MARK3: variants seen among roughly 807,000 people sequenced by gnomAD.
MARK3 encodes the protein microtubule affinity regulating kinase 3.
MARK3 carries 46 observed loss-of-function variants against 90.1 expected under a neutral mutation model. The ratio of observed to expected loss-of-function variants is 0.51; its 90% confidence interval spans 0.40 to 0.65. MARK3 has a LOEUF of 0.65. Among genes scored for constraint, MARK3 ranks in the 30% least tolerant of loss-of-function variants. MARK3 has a pLI of 0.00. For missense variants in MARK3, 818 were observed against 947.2 expected, an observed-to-expected ratio of 0.86 and a Z score of 1.79; for synonymous variants, 321 against 332.6, an observed-to-expected ratio of 0.97 and a Z score of 0.38.
chr14:103,461,561 C>G (rs1377599135), intron 6 of MARK3, among the ~76,000 whole-genome samples: 5 of 152,180 alleles, frequency 3.3e-5, no homozygotes, highest in Admixed American at 3.3e-4. Context: ...GAAGAGGAAA[C>G]TGACCCTCAG....
At position 103,481,757 on chromosome 14, in the gene MARK3, CTTTTTTTTTTTT is replaced by C. The variant is rs71126030; in HGVS notation, c.1586+1283_1586+1294del. The stretch of plus-strand genomic sequence containing the variant: ...CAGATAATGATTGATATAGGTATTT[CTTTTTTTTTTTT>C]TTTTTTTTTTTTTTTGAGACAGAGT... On this transcript the variant is annotated intron_variant, in intron 14 of 17. Transcript: ENST00000429436. Among the ~76,000 whole-genome samples, 7 of 49,778 alleles carry C rather than the reference CTTTTTTTTTTTT, an allele frequency of 1.4e-4. 1 individual carries two copies. Among genetic ancestry groups the C allele is most frequent in the Non-Finnish European group, 1.7e-4 (5 of 30,014 alleles). The allele number at this position is 49,778 out of a possible 152,430, so 32.7% of individuals were successfully genotyped here.
At chr14:103,431,524 A>G (rs991938322) in intron 3 of MARK3, among the ~76,000 whole-genome samples, 4 of 152,102 alleles carry the variant, frequency 2.6e-5, no homozygotes, top group Non-Finnish European at 5.9e-5. Flanking sequence ...CCAGCTTCTC[A>G]GGAGGCTGAG....
chr14:103,388,235 A>G (rs2089965994), intron 1 of MARK3, among the ~76,000 whole-genome samples: 1 of 152,166 alleles, frequency 6.6e-6, no homozygotes. Context: ...CCAGCCATGT[A>G]GTGTATTTAA....
chr14:103,490,870 G>T, intron 14 of MARK3: 1 of 848,336 alleles, frequency 1.2e-6, no homozygotes, highest in Non-Finnish European at 1.5e-6. Flanking sequence ...AGGAAGGTGT[G>T]TGCATTACAC....
chr14:103,493,027 A>G (rs2075092561), intron 15 of MARK3, among the ~76,000 whole-genome samples: 1 of 152,176 alleles, frequency 6.6e-6, no homozygotes, highest in South Asian at 2.1e-4. Flanking sequence ...ACAGGACAGC[A>G]GTAGGAGTCT....
intron 3 of MARK3, among the ~76,000 whole-genome samples, chr14:103,433,620 G>C (rs911740846): frequency 1.3e-5 from 2 of 151,704 alleles, no homozygotes; most frequent in Non-Finnish European, 2.9e-5. Context: ...CGGAGGCGGA[G>C]GTTGCAGTGA....
intron 9 of MARK3, 70 bp from the exon 10 acceptor site, chr14:103,466,273 A>T: frequency 3.0e-6 from 4 of 1,329,998 alleles, no homozygotes; most frequent in Non-Finnish European, 4.2e-6. Flanking sequence ...TTGAAAATAA[A>T]TTTTTGTAAA....
intron 13 of MARK3, among the ~76,000 whole-genome samples, chr14:103,479,888 C>T (rs994980795): frequency 1.3e-5 from 2 of 152,134 alleles, no homozygotes; most frequent in African/African-American, 4.8e-5. Context: ...GATCCGCCCA[C>T]CTCTGCCTCC....
At chr14:103,492,699 A>G (rs936965092) in intron 15 of MARK3, among the ~76,000 whole-genome samples, 2 of 152,136 alleles carry the variant, frequency 1.3e-5, no homozygotes, top group African/African-American at 2.4e-5. Context: ...CCATGTGTCT[A>G]GTAGGCTAGC....
At chr14:103,411,871 T>C (rs2091654263) in intron 2 of MARK3, among the ~76,000 whole-genome samples, 1 of 151,968 alleles carries the variant, frequency 6.6e-6, no homozygotes, top group Admixed American at 6.6e-5. Context: ...ACTGCCCACC[T>C]CAGCCTCCTA....
intron 6 of MARK3, among the ~76,000 whole-genome samples, chr14:103,458,238 A>G (rs936786972): frequency 6.6e-6 from 1 of 152,128 alleles, no homozygotes; most frequent in East Asian, 1.9e-4. Flanking sequence ...TGGGCGGATC[A>G]CCTGAGGGTC....
At chr14:103,413,486 C>T (rs1049298413) in intron 2 of MARK3, among the ~76,000 whole-genome samples, 21 of 149,318 alleles carry the variant, frequency 1.4e-4, no homozygotes, top group Admixed American at 5.3e-4. Context: ...GAGTGCAGCG[C>T]GATCTCGGCT....
intron 12 of MARK3, among the ~76,000 whole-genome samples, chr14:103,472,515 C>CT (rs755939682): frequency 8.6e-5 from 13 of 151,114 alleles, no homozygotes; most frequent in Non-Finnish European, 1.8e-4. Flanking sequence ...AGCTTGGTGT[C>CT]AAGTGCCTGT....
At chr14:103,450,176 G>C (rs1475325014) in intron 4 of MARK3, among the ~76,000 whole-genome samples, 1 of 151,880 alleles carries the variant, frequency 6.6e-6, no homozygotes, top group African/African-American at 2.4e-5. Flanking sequence ...GAATCAATAA[G>C]TATGGTTGAA....
At chr14:103,502,817 A>C in intron 17 of MARK3, 65 bp from the exon 18 acceptor site, 5 of 1,294,112 alleles carry the variant, frequency 3.9e-6, no homozygotes, top group Non-Finnish European at 5.4e-6. Context: ...ATGAGGAACT[A>C]GCTGAAGTGT....
At chr14:103,485,063 C>CAAAAA (rs34312214) in intron 14 of MARK3, among the ~76,000 whole-genome samples, 5,936 of 97,678 alleles carry the variant, frequency 0.061, 731 homozygotes, top group African/African-American at 0.22. Context: ...ACTAAAAATA[C>CAAAAA]AAAAAAAAAA....
chr14:103,388,427 A>C (rs1034480991), intron 1 of MARK3, among the ~76,000 whole-genome samples: 1 of 152,206 alleles, frequency 6.6e-6, no homozygotes, highest in Non-Finnish European at 1.5e-5. Context: ...AATTACCTAC[A>C]TTACTGCACT....
chr14:103,400,081 AC>A (rs1260346395), intron 1 of MARK3, among the ~76,000 whole-genome samples: 7 of 152,022 alleles, frequency 4.6e-5, no homozygotes, highest in Non-Finnish European at 1.0e-4. Context: ...GGCATGTGCC[AC>A]CATGCCTGGC....
chr14:103,502,985 G>A lies in MARK3; in HGVS notation c.2020G>A (p.Asp674Asn), dbSNP rs772967244. 3 of 1,614,144 alleles carry A rather than the reference G, an allele frequency of 1.9e-6. No homozygotes were observed. Among genetic ancestry groups the A allele is most frequent in the Non-Finnish European group, 2.5e-6 (3 of 1,180,062 alleles). ...MKTTSSMDPGDMMREIRKVLD... is the reference protein window; with the variant it reads ...MKTTSSMDPGNMMREIRKVLD... ...AACCACTAGTTCAATGGATCCCGGG[G>A]ACATGATGCGGGAAATCCGCAAAGT... The change falls in exon 18 of 18, where the codon GAC (aspartate) becomes AAC (asparagine). Residue 674 changes from aspartate to asparagine, a missense_variant. Asp to Asn is a conservative substitution (Grantham distance 23). Transcript: ENST00000429436.
Sources: allele counts gnomAD v4.1 joint callset (sites outside exome capture counted in the v4.1 genomes callset), GRCh38; gene constraint gnomAD v4.1.1; transcripts MANE v1.5; gene names NCBI Gene and HGNC (gene_info 2026-07-23, HGNC 2026-07-21).